The following DNAH9 variants were observed in gnomAD, a reference collection of about 807,000 sequenced individuals.
DNAH9 encodes DNAH9 variant protein.
In DNAH9, 345 loss-of-function variants were observed where a neutral mutation model predicts 471.6. The observed-to-expected ratio is 0.73, with a 90% CI of 0.67 to 0.80. The LOEUF (loss-of-function observed/expected upper bound fraction) is 0.80, where lower values mean the gene tolerates loss of function less well. Ranked by LOEUF, DNAH9 falls within the 30% of genes least tolerant of loss-of-function variation. DNAH9 has a pLI of 0.00. For missense variants in DNAH9, 5,407 were observed against 5,609.2 expected (o/e 0.96, Z 1.15); for synonymous variants, 2,093 against 2,123.6 (o/e 0.99, Z 0.40).
chr17:11,928,859 A>C (rs1189129588), intron 62 of DNAH9, among the ~76,000 whole-genome samples: 1 of 152,116 alleles, frequency 6.6e-6, no homozygotes, highest in Admixed American at 6.5e-5. Context: ...AAAGGCGCTG[A>C]TTCAGTAAGT....
rs371255066 is a variant in DNAH9 at position 11,738,945 on chromosome 17, C to G, written c.5880C>G (p.Ile1960Met). The change falls in exon 29 of 69, where the codon ATC becomes ATG. Residue 1960 changes from isoleucine to methionine, a missense_variant. Transcript: ENST00000262442. ...KQWFSFLGEE[I>M]SLNPSVGIFI... ...GGTTCAGCTTCCTTGGGGAGGAGAT[C>G]AGCCTGAATCCTTCTGTCGGTATCT... 1.2e-6 allele frequency: 2 copies of G among 1,613,880 alleles called. No homozygotes were observed. Among genetic ancestry groups the G allele is most frequent in the African/African-American group, 2.7e-5 (2 of 74,924 alleles).
At chr17:11,968,018 C>A (rs1422405993) in intron 68 of DNAH9, among the ~76,000 whole-genome samples, 9 of 152,156 alleles carry the variant, frequency 5.9e-5, no homozygotes, top group Admixed American at 4.6e-4. Context: ...AACAATTCAA[C>A]CATAATAATT....
rs149287233 is a variant in DNAH9 at position 11,608,115 on chromosome 17, C to T, written c.418-14C>T. 300 of 1,557,088 alleles carry T rather than the reference C, an allele frequency of 1.9e-4. 2 individuals carry two copies. The East Asian group carries it at 6.7e-3, about 35-fold the overall frequency. ...GGAACACCTGCCTTTCTTTCCTGTG[C>T]ACCTCTGTTCCAGGTTGTTCTACCC... On this transcript the variant is annotated splice_polypyrimidine_tract_variant and intron_variant, in intron 1 of 68. Coordinates refer to ENST00000262442, the MANE Select transcript of DNAH9 (RefSeq NM_001372.4).
At chr17:11,799,298 A>T (rs1412293973) in intron 43 of DNAH9, among the ~76,000 whole-genome samples, 1 of 150,806 alleles carries the variant, frequency 6.6e-6, no homozygotes, top group South Asian at 2.1e-4. Context: ...CTACTTCCCC[A>T]GAAGTAGTTA....
chr17:11,793,031 A>G (rs1969118902), intron 41 of DNAH9, among the ~76,000 whole-genome samples: 1 of 152,212 alleles, frequency 6.6e-6, no homozygotes. Flanking sequence ...GCTTCAATAA[A>G]TTATAGCTGT....
rs1283920529 is a variant in DNAH9 at position 11,623,850 on chromosome 17, C to T, written c.1350+4069C>T. Reference sequence around the variant, plus strand: ...AGTGTGAAGGGCTGGTTTTTAATCCCCACAATTCTCCCAGATTTCATTTCT... The same window carrying T: ...AGTGTGAAGGGCTGGTTTTTAATCCTCACAATTCTCCCAGATTTCATTTCT... On this transcript the variant is annotated intron_variant, in intron 6 of 68. Transcript: ENST00000262442. The surrounding 1 kb of genome is among the most constrained non-coding windows in gnomAD (Gnocchi z 4.1). 6.6e-6 allele frequency among the ~76,000 whole-genome samples: 1 copy of T among 152,146 alleles called. No homozygotes were observed. The highest frequency in any genetic ancestry group is 1.5e-5 in the Non-Finnish European group (1 of 68,024).
At chr17:11,756,874 A>C (rs1399764590) in intron 34 of DNAH9, among the ~76,000 whole-genome samples, 198 bp downstream of exon 34, 1 of 152,226 alleles carries the variant, frequency 6.6e-6, no homozygotes, top group Admixed American at 6.5e-5. Context: ...TCTGCACAGA[A>C]GTGTCTAACT....
At chr17:11,691,122 G>A (rs1430213999) in intron 20 of DNAH9, among the ~76,000 whole-genome samples, 2 of 152,058 alleles carry the variant, frequency 1.3e-5, no homozygotes, top group Admixed American at 6.6e-5. Flanking sequence ...AAAATGTCAC[G>A]GGCTGTCCAG....
At chr17:11,888,505 G>C (rs1170224366) in intron 57 of DNAH9, among the ~76,000 whole-genome samples, 1 of 152,030 alleles carries the variant, frequency 6.6e-6, no homozygotes, top group African/African-American at 2.4e-5. Context: ...ATTAAATGAG[G>C]CCCATGACAA....
intron 48 of DNAH9, among the ~76,000 whole-genome samples, chr17:11,823,708 G>A (rs1970393998): frequency 6.6e-6 from 1 of 152,124 alleles, no homozygotes; most frequent in Non-Finnish European, 1.5e-5. Flanking sequence ...GAGGCTGGTG[G>A]ATCACGAGGT....
At chr17:11,918,415 A>G (rs894309582) in intron 61 of DNAH9, among the ~76,000 whole-genome samples, 24 of 151,876 alleles carry the variant, frequency 1.6e-4, no homozygotes, top group African/African-American at 5.6e-4. Flanking sequence ...TATTTTTTGT[A>G]GAGATGGGTC....
chr17:11,859,084 CAAAAA>C (rs56040033), intron 50 of DNAH9, among the ~76,000 whole-genome samples: 186 of 64,374 alleles, frequency 2.9e-3, no homozygotes, highest in Middle Eastern at 0.014. Flanking sequence ...AACCCCGTCT[CAAAAA>C]AAAAAAAAAA....
rs546074985 is a variant in DNAH9 at position 11,819,427 on chromosome 17, T to C, written c.8708-2493T>C. Among the ~76,000 whole-genome samples, 7 of 151,624 alleles carry C rather than the reference T, an allele frequency of 4.6e-5. No individual in the cohort carries two copies. The South Asian group carries it at 1.5e-3, about 32-fold the overall frequency. ...GTCCAGCCCTTGTCTGCCTCCTGAT[T>C]TTTTTTTTGAGACGAAGTCTTGCTC... On this transcript the variant is annotated intron_variant, in intron 45 of 68. Transcript: ENST00000262442.
chr17:11,644,841 A>G (rs2073350422), intron 11 of DNAH9, 142 bp downstream of exon 11: 1 of 628,272 alleles, frequency 1.6e-6, no homozygotes, highest in South Asian at 2.0e-5. Flanking sequence ...ATTTGTGAGT[A>G]CAGTATTTCC....
chr17:11,651,006 C>A, intron 12 of DNAH9, 63 bp from the exon 13 acceptor site: 1 of 1,547,572 alleles, frequency 6.5e-7, no homozygotes, highest in South Asian at 1.2e-5. Context: ...CAGTCTTTGA[C>A]CAATGCTGCA....
intron 42 of DNAH9, among the ~76,000 whole-genome samples, chr17:11,797,325 T>C (rs1302021690): frequency 6.6e-6 from 1 of 152,138 alleles, no homozygotes; most frequent in African/African-American, 2.4e-5. Context: ...ACAGAAGCAC[T>C]CTCTTACCGT....
At chr17:11,895,353 T>C (rs189003176) in intron 59 of DNAH9, among the ~76,000 whole-genome samples, 1 of 152,344 alleles carries the variant, frequency 6.6e-6, no homozygotes, top group Non-Finnish European at 1.5e-5. Flanking sequence ...ATGTGAGGAA[T>C]AGCATCTACA....
intron 12 of DNAH9, among the ~76,000 whole-genome samples, chr17:11,648,868 A>T (rs1016657368): frequency 6.6e-6 from 1 of 152,242 alleles, no homozygotes; most frequent in South Asian, 2.1e-4. Flanking sequence ...GCTCACACCT[A>T]TAATCCCAGG....
rs2150877763 is a variant in DNAH9 at position 11,769,208 on chromosome 17, G to A, written c.7431G>A (p.Val2477=). The part of the protein sequence containing the change: ...LMARQRPVML[V]GTAGTGKSVL... ...CGCGGCAGCGGCCTGTCATGCTGGT[G>A]GGCACGGCTGGCACTGGCAAGTCGG... The change falls in exon 38 of 69, where the codon GTG becomes GTA. Residue 2477 remains valine, a synonymous_variant. Coordinates refer to ENST00000262442, the MANE Select transcript of DNAH9 (RefSeq NM_001372.4). 1 of 1,614,204 alleles carries A rather than the reference G, an allele frequency of 6.2e-7. No homozygotes were observed. The highest frequency in any genetic ancestry group is 1.7e-5 in the Admixed American group (1 of 60,028).
Sources: gnomAD v4.1 joint callset for allele counts (sites outside exome capture counted in the v4.1 genomes callset) on GRCh38, gnomAD v4.1.1 for gene constraint, Gnocchi (gnomAD v3.1) non-coding constraint, MANE v1.5 for transcripts, NCBI Gene and HGNC (gene_info 2026-07-23, HGNC 2026-07-21) for gene names.